CEP290: variants seen among roughly 807,000 people sequenced by gnomAD.
CEP290 encodes centrosomal protein of 290 kDa.
Under a neutral mutation model 344.9 loss-of-function variants are expected in CEP290, and 317 were observed. That is an observed-to-expected ratio of 0.92 (90% CI 0.84 to 1.01). The LOEUF (loss-of-function observed/expected upper bound fraction) is 1.01. CEP290 is among the 50% of genes least tolerant of loss of function. The probability of loss-of-function intolerance (pLI) is 0.00; values close to 1 mark genes in which losing one functional copy is unlikely to be tolerated. For synonymous variants in CEP290, 932 were observed against 895.8 expected (o/e 1.04, Z -0.72); for missense variants, 2,754 against 2,761.4 (o/e 1.00, Z 0.06).
At chr12:88,108,129 AT>A (rs970561534) in intron 23 of CEP290, among the ~76,000 whole-genome samples, 1 of 152,048 alleles carries the variant, frequency 6.6e-6, no homozygotes, top group Admixed American at 6.6e-5. Context: ...TATATAAATT[AT>A]TTTTTTGAAG....
chr12:88,061,069 C>A, intron 46 of CEP290, 75 bp from the exon 47 acceptor site: 1 of 1,013,996 alleles, frequency 9.9e-7, no homozygotes, highest in Non-Finnish European at 1.4e-6. Flanking sequence ...ATACAACAGG[C>A]TTATTATACT....
At chr12:88,139,794 C>A (rs1202082635) in intron 3 of CEP290, among the ~76,000 whole-genome samples, 2 of 152,192 alleles carry the variant, frequency 1.3e-5, no homozygotes, top group Non-Finnish European at 2.9e-5. Context: ...GTGGCACAAT[C>A]TCAGCTCACT....
rs75511160 is a variant in CEP290, at chr12:88,114,919, C to G, written c.1909+179G>C. On this transcript the variant is annotated intron_variant, in intron 19 of 53. Coordinates refer to ENST00000552810, the MANE Select transcript of CEP290 (RefSeq NM_025114.4). ...AAAATTCATATTAGTAACATTCTCT[C>G]ACAATGAAAACAGCAAGGCAAATCA... Among the ~76,000 whole-genome samples, 1,144 of 152,200 alleles carry G rather than the reference C, an allele frequency of 7.5e-3. 20 individuals carry two copies. The highest frequency in any genetic ancestry group is 0.026 in the African/African-American group (1,098 of 41,548).
At position 88,064,100 on chromosome 12, in the gene CEP290, A is replaced by C; in HGVS notation, c.6151T>G (p.Ser2051Ala). 1 of 1,565,124 alleles carries C rather than the reference A, an allele frequency of 6.4e-7. No homozygotes were observed. Among genetic ancestry groups the C allele is most frequent in the Non-Finnish European group, 8.7e-7 (1 of 1,155,790 alleles). Residue 2051 changes from serine (S) to alanine (A), a missense_variant, in exon 45 of 54, where the codon TCA (serine) becomes GCA (alanine). By Grantham distance (99) the Ser-to-Ala change is moderately conservative. Coordinates refer to ENST00000552810, the MANE Select transcript of CEP290 (RefSeq NM_025114.4). Reference protein sequence around the residue: ...YSKPSISGIESDDHCQREQEL... With the variant: ...YSKPSISGIEADDHCQREQEL... ...TGTTCTCTCTGACAATGATCATCTG[A>C]CTCTATTCCTGAAATCTTCAGGGAA... is the stretch of plus-strand genomic sequence containing the variant.
rs1039733899 is a variant in CEP290 at position 88,131,032 on chromosome 12, C to T, written c.495+133G>A. 6.1e-6 allele frequency: 4 copies of T among 655,426 alleles called. No individual in the cohort carries two copies. In the East Asian group the frequency reaches 1.0e-4, roughly 16 times the overall value. 40.6% of individuals were successfully genotyped at this position (655,426 alleles called of 1,614,324 possible). Reference sequence around the variant, plus strand: ...TCTATTTCCCTGAGACAAAGTCATACCATAAAATCAGTCTGAAAACATCAG... The same window carrying T: ...TCTATTTCCCTGAGACAAAGTCATATCATAAAATCAGTCTGAAAACATCAG... On this transcript the variant is annotated intron_variant, in intron 7 of 53. Transcript: ENST00000552810.
intron 7 of CEP290, 32 bp downstream of exon 7, chr12:88,131,133 G>T: frequency 6.8e-7 from 1 of 1,463,640 alleles, no homozygotes; most frequent in Non-Finnish European, 9.0e-7. Context: ...AAGTACCTTT[G>T]TTGAACCACC....
intron 8 of CEP290, 39 bp from the exon 9 acceptor site, chr12:88,130,459 T>A: frequency 6.3e-7 from 1 of 1,598,570 alleles, no homozygotes; most frequent in Non-Finnish European, 8.5e-7. Flanking sequence ...TACAAAACTA[T>A]TCAGAATAAC....
chr12:88,101,395 G>A (rs531154263), intron 26 of CEP290, among the ~76,000 whole-genome samples: 3 of 150,424 alleles, frequency 2.0e-5, no homozygotes, highest in Admixed American at 2.0e-4. Flanking sequence ...GCAGGAGAAC[G>A]GCCTGAACCC....
intron 46 of CEP290, among the ~76,000 whole-genome samples, chr12:88,062,425 AAAAGG>A (rs2034548640): frequency 6.6e-6 from 1 of 152,198 alleles, no homozygotes; most frequent in Non-Finnish European, 1.5e-5. Flanking sequence ...CTCCATAAAC[AAAAGG>A]ATTCCTGGAA....
intron 41 of CEP290, among the ~76,000 whole-genome samples, chr12:88,072,433 G>T (rs2035450527): frequency 6.6e-6 from 1 of 152,092 alleles, no homozygotes; most frequent in Non-Finnish European, 1.5e-5. Flanking sequence ...ATAACTCCTA[G>T]AATCTTTGGG....
intron 30 of CEP290, among the ~76,000 whole-genome samples, chr12:88,089,761 C>G (rs2137286277): frequency 7.0e-6 from 1 of 142,720 alleles, no homozygotes; most frequent in East Asian, 2.1e-4. Flanking sequence ...GAGTTTCACT[C>G]TGTCACCCAA....
chr12:88,067,007 A>T (rs2034990663), intron 44 of CEP290, among the ~76,000 whole-genome samples: 2 of 152,208 alleles, frequency 1.3e-5, no homozygotes, highest in Admixed American at 1.3e-4. Context: ...AAACATGGCA[A>T]AAAAAGCCAC....
At position 88,141,991 on chromosome 12, in the gene CEP290, T is replaced by C. The variant is rs1484545834; in HGVS notation, c.-119A>G. The C allele has an allele frequency of 6.6e-6, 1 of 152,106 alleles. No individual in the cohort carries two copies. The highest frequency in any genetic ancestry group is 2.1e-4 in the South Asian group (1 of 4,822). The allele number at this position is 152,106 out of a possible 1,614,324, so 9.4% of individuals were successfully genotyped here. ...GGGCCCTGACAGATCCCTATCGCGG[T>C]TCCACGCGGACTCTGGGTCCAGCCA... On this transcript the variant is annotated 5_prime_UTR_variant, in exon 1 of 54. Coordinates refer to ENST00000552810, the MANE Select transcript of CEP290 (RefSeq NM_025114.4).
intron 44 of CEP290, among the ~76,000 whole-genome samples, chr12:88,066,691 A>T (rs2034964450): frequency 6.6e-6 from 1 of 151,782 alleles, no homozygotes; most frequent in African/African-American, 2.4e-5. Context: ...TCTGTTGCCC[A>T]GTCTGGAGTG....
At chr12:88,138,883 T>G (rs2040484715) in intron 5 of CEP290, among the ~76,000 whole-genome samples, 1 of 151,860 alleles carries the variant, frequency 6.6e-6, no homozygotes, top group Non-Finnish European at 1.5e-5. Context: ...TCCACCTCAG[T>G]TACTAGTAAT....
At position 88,086,022 on chromosome 12, in the gene CEP290, C is replaced by A; in HGVS notation, c.4437+17G>T. On this transcript the variant is annotated intron_variant, in intron 34 of 53. Transcript: ENST00000552810. ...ACCAAATAATACACTAATCAAAATGCAAATTCTTCTAATTACCTCTTCTAG... is the reference window on the plus strand; with the variant it reads ...ACCAAATAATACACTAATCAAAATGAAAATTCTTCTAATTACCTCTTCTAG... The A allele has an allele frequency of 6.3e-7, 1 of 1,596,344 alleles. No individual in the cohort carries two copies. Among genetic ancestry groups the A allele is most frequent in the Non-Finnish European group, 8.5e-7 (1 of 1,170,658 alleles).
At chr12:88,126,216 C>T (rs979892002) in intron 12 of CEP290, 100 bp downstream of exon 12, 136 of 944,426 alleles carry the variant, frequency 1.4e-4, no homozygotes, top group Non-Finnish European at 1.9e-4. Context: ...TAGTACCAGC[C>T]GCTACACTAG....
In CEP290 at chr12:88,093,971, A is replaced by G. The variant is rs2037242478; in HGVS notation, c.3108T>C (p.Asn1036=). The G allele has an allele frequency of 1.9e-6, 3 of 1,598,920 alleles. No homozygotes were observed. The highest frequency in any genetic ancestry group is 1.7e-5 in the Admixed American group (1 of 58,240). ...QAWEQETKLG[N]ESSMDKAKKS... is the part of the protein sequence containing the mutation. ...TCTTTGCCTTATCCATGCTAGATTCATTACCTACATGCAATAATATTTAAG... is the reference window on the plus strand; with the variant it reads ...TCTTTGCCTTATCCATGCTAGATTCGTTACCTACATGCAATAATATTTAAG... The change falls in exon 28 of 54, where the codon AAT becomes AAC. Residue 1036 remains asparagine (N), a synonymous_variant. Transcript: ENST00000552810.
chr12:88,106,803 T>G lies in CEP290; in HGVS notation c.2689A>C (p.Ile897Leu). The G allele has an allele frequency of 6.2e-7, 1 of 1,608,488 alleles. No individual in the cohort carries two copies. The highest frequency in any genetic ancestry group is 8.5e-7 in the Non-Finnish European group (1 of 1,176,990). ...TVLQVNEKSLIRQYTTLVELE... is the reference protein window; with the variant it reads ...TVLQVNEKSLLRQYTTLVELE... ...TCTACTAAGGTTGTATATTGCCTTA[T>G]AAGTGATTTTTCATTCACTTGCAAA... is the stretch of plus-strand genomic sequence containing the variant. Residue 897 changes from isoleucine to leucine, a missense_variant, in exon 25 of 54, where the codon ATA becomes CTA. Ile to Leu is a conservative substitution (Grantham distance 5). Transcript: ENST00000552810.
Sources: allele counts gnomAD v4.1 joint callset (sites outside exome capture counted in the v4.1 genomes callset), GRCh38; gene constraint gnomAD v4.1.1; transcripts MANE v1.5; gene names NCBI Gene and HGNC (gene_info 2026-07-23, HGNC 2026-07-21).